Variants in NAALADL2 observed in about 807,000 individuals in gnomAD.
The protein encoded by NAALADL2 is N-acetylated alpha-linked acidic dipeptidase like 2, also known as inactive N-acetylated-alpha-linked acidic dipeptidase-like protein 2.
Under a neutral mutation model 87.2 loss-of-function variants are expected in NAALADL2, and 76 were observed. That is an observed-to-expected ratio of 0.87 (90% CI 0.72 to 1.05). The LOEUF (loss-of-function observed/expected upper bound fraction) is 1.05, where lower values mean the gene tolerates loss of function less well. NAALADL2 is among the 50% of genes least tolerant of loss of function. The pLI is 0.00. For synonymous variants in NAALADL2, 354 were observed against 331.0 expected (o/e 1.07, Z -0.75); for missense variants, 1,089 against 945.8 (o/e 1.15, Z -1.99).
intron 3 of NAALADL2, among the ~76,000 whole-genome samples, chr3:174,748,322 T>C (rs1256993792): frequency 1.6e-5 from 2 of 122,914 alleles, no homozygotes; most frequent in African/African-American, 5.7e-5. Flanking sequence ...TAAAAATAAA[T>C]TACATTTTTT....
At chr3:175,396,781 A>C (rs1769852629) in intron 5 of NAALADL2, among the ~76,000 whole-genome samples, 1 of 152,014 alleles carries the variant, frequency 6.6e-6, no homozygotes. Context: ...ACAAGATCTA[A>C]TGGTTTTATA....
At chr3:175,717,923 C>T (rs115875021) in intron 11 of NAALADL2, among the ~76,000 whole-genome samples, 3,345 of 150,722 alleles carry the variant, frequency 0.022, 144 homozygotes, top group African/African-American at 0.077. Context: ...GATTCTGTTG[C>T]CTCAGCCTCC....
chr3:175,365,966 C>A (rs1377432122), intron 5 of NAALADL2, among the ~76,000 whole-genome samples: 2 of 140,282 alleles, frequency 1.4e-5, no homozygotes, highest in South Asian at 5.0e-4. Flanking sequence ...GTGTGCCGCA[C>A]CCATTAACTC....
At chr3:175,511,435 G>A (rs1451184803) in intron 9 of NAALADL2, among the ~76,000 whole-genome samples, 2 of 152,176 alleles carry the variant, frequency 1.3e-5, no homozygotes, top group African/African-American at 2.4e-5. Context: ...AAAGAACAGG[G>A]ATGCACATGC....
At chr3:175,729,111 T>C (rs2150056781) in intron 11 of NAALADL2, among the ~76,000 whole-genome samples, 1 of 152,290 alleles carries the variant, frequency 6.6e-6, no homozygotes, top group East Asian at 1.9e-4. Context: ...AATAAAAGAT[T>C]CATATTTACT....
chr3:175,538,159 G>A (rs1046546582), intron 9 of NAALADL2, among the ~76,000 whole-genome samples: 3 of 151,974 alleles, frequency 2.0e-5, no homozygotes, highest in Admixed American at 6.6e-5. Context: ...TGAAAATATC[G>A]TGTTTACTTT....
At chr3:174,836,403 G>A (rs1723328862) in intron 3 of NAALADL2, among the ~76,000 whole-genome samples, 1 of 152,106 alleles carries the variant, frequency 6.6e-6, no homozygotes, top group Non-Finnish European at 1.5e-5. Flanking sequence ...CTGGAGATTG[G>A]TTGCACAACA....
chr3:174,632,523 T>G (rs1461692874), intron 2 of NAALADL2, among the ~76,000 whole-genome samples: 2 of 152,086 alleles, frequency 1.3e-5, no homozygotes, highest in Non-Finnish European at 2.9e-5. Context: ...ATTTTAAGTA[T>G]GTTGATAAGG....
chr3:175,252,202 C>T (rs750776197), intron 3 of NAALADL2, among the ~76,000 whole-genome samples: 13 of 152,296 alleles, frequency 8.5e-5, no homozygotes, highest in Non-Finnish European at 1.6e-4. Context: ...TTGAAGGTCA[C>T]GGCAACCCTG....
At chr3:175,780,006 C>T (rs1025911209) in intron 13 of NAALADL2, among the ~76,000 whole-genome samples, 1 of 152,062 alleles carries the variant, frequency 6.6e-6, no homozygotes, top group East Asian at 1.9e-4. Context: ...CGGTGGCTCA[C>T]GCCTGTAATC....
chr3:175,494,427 C>A lies in NAALADL2; in HGVS notation c.1653+22669C>A, dbSNP rs565932622. On this transcript the variant is annotated intron_variant, in intron 9 of 13. Coordinates refer to ENST00000454872, the MANE Select transcript of NAALADL2 (RefSeq NM_207015.3). ...AATCTTTAAAATAAACCTGTAGCTT[C>A]AGGAGATCAAGGAAATTATACATTC... Among the ~76,000 whole-genome samples, 4 of 152,164 alleles carry A rather than the reference C, an allele frequency of 2.6e-5. No individual in the cohort carries two copies. In the South Asian group the frequency reaches 8.3e-4, roughly 31 times the overall value.
At chr3:175,224,302 A>G (rs1743842338) in intron 2 of NAALADL2, among the ~76,000 whole-genome samples, 1 of 152,144 alleles carries the variant, frequency 6.6e-6, no homozygotes, top group Non-Finnish European at 1.5e-5. Context: ...ATGTTTGCCC[A>G]GCAGGATATG....
rs7648305 is a variant in NAALADL2, at chr3:174,863,896, C to T, written c.43+4446C>T. On this transcript the variant is annotated intron_variant, in intron 1 of 13. Transcript: ENST00000454872. ...CTGTGTTCCATGAGGAAGGCTTTCACTAGCCCTTCATGATAGGTTCAAACA... is the reference window on the plus strand; with the variant it reads ...CTGTGTTCCATGAGGAAGGCTTTCATTAGCCCTTCATGATAGGTTCAAACA... 9.4e-3 allele frequency: 3,202 copies of T among 339,138 alleles called. 107 individuals carry two copies. The highest frequency in any genetic ancestry group is 0.065 in the African/African-American group (2,921 of 44,940). The allele number at this position is 339,138 out of a possible 1,614,324, so 21.0% of individuals were successfully genotyped here.
At chr3:175,787,266 T>C (rs540277262) in intron 13 of NAALADL2, among the ~76,000 whole-genome samples, 93 of 152,220 alleles carry the variant, frequency 6.1e-4, no homozygotes, top group African/African-American at 2.1e-3. Flanking sequence ...GGCTGCTTTG[T>C]TTACCTAATC....
At chr3:174,843,626 A>G (rs1048884595) in intron 3 of NAALADL2, among the ~76,000 whole-genome samples, 1 of 152,146 alleles carries the variant, frequency 6.6e-6, no homozygotes, top group Admixed American at 6.6e-5. Flanking sequence ...AATGTTTTTC[A>G]TAGTGCTCTA....
At chr3:175,295,282 A>T (rs546684487) in intron 4 of NAALADL2, among the ~76,000 whole-genome samples, 1 of 152,218 alleles carries the variant, frequency 6.6e-6, no homozygotes, top group African/African-American at 2.4e-5. Flanking sequence ...GCCAAGTGGG[A>T]TTATCCATTA....
intron 9 of NAALADL2, among the ~76,000 whole-genome samples, chr3:175,564,147 T>A (rs1415657579): frequency 1.3e-5 from 2 of 152,012 alleles, no homozygotes; most frequent in Non-Finnish European, 2.9e-5. Context: ...ATTTTTTTTC[T>A]CCCTGTGCCC....
intron 1 of NAALADL2, among the ~76,000 whole-genome samples, chr3:174,859,702 G>A (rs76288798): frequency 0.018 from 2,694 of 152,180 alleles, 69 homozygotes; most frequent in African/African-American, 0.061. Flanking sequence ...TGGGGGACCC[G>A]TGGAGGGTAT....
At chr3:175,377,663 T>C (rs1339672285) in intron 5 of NAALADL2, among the ~76,000 whole-genome samples, 1 of 152,124 alleles carries the variant, frequency 6.6e-6, no homozygotes, top group African/African-American at 2.4e-5. Context: ...CCTGCTGAAA[T>C]GTGTCCTTTT....
Sources: gnomAD v4.1 joint callset for allele counts (sites outside exome capture counted in the v4.1 genomes callset) on GRCh38, gnomAD v4.1.1 for gene constraint, MANE v1.5 for transcripts, NCBI Gene and HGNC (gene_info 2026-07-23, HGNC 2026-07-21) for gene names.